CARS1: variants seen among roughly 807,000 people sequenced by gnomAD.
CARS1 encodes cysteine--tRNA ligase, cytoplasmic.
CARS1 carries 48 observed loss-of-function variants against 106.2 expected under a neutral mutation model. The ratio of observed to expected loss-of-function variants is 0.45; its 90% CI spans 0.36 to 0.57. The LOEUF (loss-of-function observed/expected upper bound fraction) is 0.57, where lower values mean the gene tolerates loss of function less well. Ranked by LOEUF, CARS1 falls within the 20% of genes least tolerant of loss-of-function variation. CARS1 has a pLI of 0.00. For synonymous variants in CARS1, 409 were observed against 403.4 expected, an observed-to-expected ratio of 1.01 and a Z score of -0.17; for missense variants, 968 against 1,057.2, an observed-to-expected ratio of 0.92 and a Z score of 1.17.
At chr11:3,006,839 C>G in intron 19 of CARS1, 40 bp downstream of exon 19, 1 of 1,524,190 alleles carries the variant, frequency 6.6e-7, no homozygotes, top group Non-Finnish European at 9.1e-7. Flanking sequence ...CCTCTCCAAG[C>G]TCCTGGTAAC....
intron 10 of CARS1, among the ~76,000 whole-genome samples, chr11:3,024,553 T>A (rs1345317959): frequency 6.6e-6 from 1 of 152,168 alleles, no homozygotes; most frequent in Non-Finnish European, 1.5e-5. Context: ...GCTGAAGTGA[T>A]CCTCCTGCAT....
intron 20 of CARS1, among the ~76,000 whole-genome samples, chr11:3,005,132 C>G (rs939188550): frequency 1.5e-5 from 2 of 135,844 alleles, no homozygotes; most frequent in African/African-American, 2.8e-5. Context: ...AAAAAAAAGT[C>G]AGCTTCACAG....
Position 3,029,144 on chromosome 11 carries a change from A to G in CARS1, c.943-60T>C, listed in dbSNP as rs1381560876. 1 of 1,451,092 alleles carries G rather than the reference A, an allele frequency of 6.9e-7. No individual in the cohort carries two copies. Among genetic ancestry groups the G allele is most frequent in the Non-Finnish European group, 9.7e-7 (1 of 1,033,338 alleles). The allele number at this position is 1,451,092 out of a possible 1,614,324, so 89.9% of individuals were successfully genotyped here. A position where few individuals can be genotyped will look rare whatever the true frequency, so the allele number is the denominator to read the frequency against. On this transcript the variant is annotated intron_variant, in intron 8 of 22. Coordinates refer to ENST00000380525, the MANE Select transcript of CARS1 (RefSeq NM_001014437.3). The surrounding 1 kb of genome is among the most constrained non-coding windows in gnomAD (Gnocchi z 5.9). Reference sequence around the variant, plus strand: ...CTTCTGAAAACCACGCGCTCCATAAAAACGTTCCCAATTCATAAAACGAAA... The same window carrying G: ...CTTCTGAAAACCACGCGCTCCATAAGAACGTTCCCAATTCATAAAACGAAA...
chr11:3,042,314 G>A (rs372766447), intron 2 of CARS1, 58 bp from the exon 3 acceptor site: 68 of 1,294,622 alleles, frequency 5.3e-5, no homozygotes, highest in African/African-American at 8.8e-5. Context: ...AGTGCAAGTC[G>A]CCTCTTCACC....
rs868190682 is a variant in CARS1, at chr11:3,012,882, C to T, written c.1987-606G>A. 2.8e-3 allele frequency among the ~76,000 whole-genome samples: 414 copies of T among 146,358 alleles called. 3 individuals carry two copies. Among genetic ancestry groups the T allele is most frequent in the African/African-American group, 0.011 (408 of 38,112 alleles). On this transcript the variant is annotated intron_variant, in intron 17 of 22. Coordinates refer to ENST00000380525, the MANE Select transcript of CARS1 (RefSeq NM_001014437.3). Reference sequence around the variant, plus strand: ...ATAGAAAAACCTTTCTACTATATTTCCCTTTTTTTTTTTTTTTTTTTTTTT... The same window carrying T: ...ATAGAAAAACCTTTCTACTATATTTTCCTTTTTTTTTTTTTTTTTTTTTTT...
chr11:3,032,838 T>C (rs1457930016), intron 7 of CARS1, among the ~76,000 whole-genome samples: 3 of 150,664 alleles, frequency 2.0e-5, no homozygotes, highest in Non-Finnish European at 3.0e-5. Context: ...TACGAGATAG[T>C]ATTTGTCCAA....
chr11:3,016,841 T>C (rs1324178106), intron 16 of CARS1, among the ~76,000 whole-genome samples: 1 of 152,202 alleles, frequency 6.6e-6, no homozygotes, highest in Non-Finnish European at 1.5e-5. Context: ...TTTGAACTCC[T>C]GGGCTCAGGT....
In CARS1 at chr11:3,007,321, G is replaced by A. The variant is rs1849981567; in HGVS notation, c.2069-362C>T. The A allele has an allele frequency of 8.9e-5, 27 of 301,728 alleles. No individual in the cohort carries two copies. In the South Asian group the frequency reaches 1.5e-3, roughly 17 times the overall value. 18.7% of individuals were successfully genotyped at this position (301,728 alleles called of 1,614,324 possible). ...AGCAGGGGTGGGAGGGTCAGGACAG[G>A]CCTGGGGGTCCCTTCGGGTGCTAAC... is the stretch of plus-strand genomic sequence containing the variant. On this transcript the variant is annotated intron_variant, in intron 18 of 22. Transcript: ENST00000380525.
chr11:3,014,370 T>G (rs970992965), intron 17 of CARS1, among the ~76,000 whole-genome samples: 15 of 152,238 alleles, frequency 9.9e-5, no homozygotes, highest in African/African-American at 3.4e-4. Context: ...ATGGCCATGA[T>G]GTGTGGGCAC....
rs1190556498 is a variant in CARS1 at position 3,046,685 on chromosome 11, AAGG to A, written c.274+1065_274+1067del. Among the ~76,000 whole-genome samples the A allele has an allele frequency of 6.6e-6, 1 of 152,166 alleles. No individual in the cohort carries two copies. Among genetic ancestry groups the A allele is most frequent in the East Asian group, 1.9e-4 (1 of 5,186 alleles). On this transcript the variant is annotated intron_variant, in intron 2 of 22. Transcript: ENST00000380525. This position sits in a 1 kb window ranked among gnomAD's most constrained non-coding sequence, Gnocchi z 5.8. Reference sequence around the variant, plus strand: ...CAACGGAGTCTGGAGAAGCCCCCAGAAGGCTGCCAGCTACAGCCAGGACCACCA... The same window carrying A: ...CAACGGAGTCTGGAGAAGCCCCCAGACTGCCAGCTACAGCCAGGACCACCA...
At chr11:3,036,109 T>C (rs904245028) in intron 7 of CARS1, among the ~76,000 whole-genome samples, 2 of 152,232 alleles carry the variant, frequency 1.3e-5, no homozygotes, top group Non-Finnish European at 2.9e-5. Flanking sequence ...TGCATTTTTT[T>C]CCTGGTGGGG....
At chr11:3,033,296 A>T (rs1853114677) in intron 7 of CARS1, among the ~76,000 whole-genome samples, 1 of 152,224 alleles carries the variant, frequency 6.6e-6, no homozygotes, top group African/African-American at 2.4e-5. Flanking sequence ...ACAAGAGAAC[A>T]TTCAGAAACC....
chr11:3,051,076 C>T (rs1304633364), intron 1 of CARS1, among the ~76,000 whole-genome samples: 1 of 152,250 alleles, frequency 6.6e-6, no homozygotes, highest in Non-Finnish European at 1.5e-5. Context: ...TCCCCTGTGG[C>T]ACTGGGCCTC....
At position 3,005,556 on chromosome 11, in the gene CARS1, C is replaced by T. The variant is rs1004002290; in HGVS notation, c.2150-123G>A. 1.1e-5 allele frequency: 7 copies of T among 659,088 alleles called. No individual in the cohort carries two copies. The African/African-American group carries it at 1.1e-4, about 11-fold the overall frequency. 40.8% of individuals were successfully genotyped at this position (659,088 alleles called of 1,614,324 possible). ...GTGCTGCCCAGTCAGAGCGAGGGCC[C>T]ACAGGAGAAAAACAAACAAAAACCT... On this transcript the variant is annotated intron_variant, in intron 19 of 22. Transcript: ENST00000380525.
chr11:3,015,715 G>A, intron 17 of CARS1, 66 bp downstream of exon 17: 1 of 1,394,294 alleles, frequency 7.2e-7, no homozygotes, highest in South Asian at 1.2e-5. Flanking sequence ...CAGTTCAGAG[G>A]GACACAGAGG....
chr11:3,040,406 C>A lies in CARS1; in HGVS notation c.456-475G>T. 2.5e-6 allele frequency: 1 copy of A among 401,362 alleles called. No individual in the cohort carries two copies. Among genetic ancestry groups the A allele is most frequent in the South Asian group, 1.8e-5 (1 of 54,754 alleles). The allele number at this position is 401,362 out of a possible 1,614,324, so 24.9% of individuals were successfully genotyped here. ...TTGACTATACATGACCTTGGCACTG[C>A]AACTAAAACATGAACACATAAAAGG... On this transcript the variant is annotated intron_variant, in intron 4 of 22. Transcript: ENST00000380525. The surrounding 1 kb of genome is among the most constrained non-coding windows in gnomAD (Gnocchi z 5.8).
chr11:3,044,936 C>T lies in CARS1; in HGVS notation c.275-2680G>A, dbSNP rs1192680959. Among the ~76,000 whole-genome samples, 1 of 152,108 alleles carries T rather than the reference C, an allele frequency of 6.6e-6. No homozygotes were observed. The highest frequency in any genetic ancestry group is 1.5e-5 in the Non-Finnish European group (1 of 68,026). ...AGCAAGGGGTTCATGGAGAGAAATC[C>T]TTCATCAGGAAGTTAAGGGTCCTCC... On this transcript the variant is annotated intron_variant, in intron 2 of 22. Coordinates refer to ENST00000380525, the MANE Select transcript of CARS1 (RefSeq NM_001014437.3). The surrounding 1 kb of genome is among the most constrained non-coding windows in gnomAD (Gnocchi z 4.4).
Position 3,012,064 on chromosome 11 carries a change from T to C in CARS1, c.2068+131A>G, listed in dbSNP as rs181326297. On this transcript the variant is annotated intron_variant, in intron 18 of 22. Transcript: ENST00000380525. Reference sequence around the variant, plus strand: ...AGGCCCGGGATGCCGTTCAACACCCTGTGGTGCACGGGGCAGCCTTCCCAG... The same window carrying C: ...AGGCCCGGGATGCCGTTCAACACCCCGTGGTGCACGGGGCAGCCTTCCCAG... 537 of 794,724 alleles carry C rather than the reference T, an allele frequency of 6.8e-4. 2 individuals carry two copies. In the African/African-American group the frequency reaches 6.8e-3, roughly 10 times the overall value. 49.2% of individuals were successfully genotyped at this position (794,724 alleles called of 1,614,324 possible). A position where few individuals can be genotyped will look rare whatever the true frequency, so the allele number is the denominator to read the frequency against.
chr11:3,029,716 G>A lies in CARS1; in HGVS notation c.802-273C>T, dbSNP rs544976934. On this transcript the variant is annotated intron_variant, in intron 7 of 22. Coordinates refer to ENST00000380525, the MANE Select transcript of CARS1 (RefSeq NM_001014437.3). This position sits in a 1 kb window ranked among gnomAD's most constrained non-coding sequence, Gnocchi z 5.9. ...AGAGGCAAAAAGAGGTGGGAGGGCCGAGGTGGGCCTGGTGAGCATGTGCAG... is the reference window on the plus strand; with the variant it reads ...AGAGGCAAAAAGAGGTGGGAGGGCCAAGGTGGGCCTGGTGAGCATGTGCAG... 2.9e-5 allele frequency: 14 copies of A among 482,934 alleles called. No individual in the cohort carries two copies. Among genetic ancestry groups the A allele is most frequent in the African/African-American group, 1.3e-4 (7 of 51,916 alleles). The allele number at this position is 482,934 out of a possible 1,614,324, so 29.9% of individuals were successfully genotyped here.
Sources: gnomAD v4.1 joint callset for allele counts (sites outside exome capture counted in the v4.1 genomes callset) on GRCh38, gnomAD v4.1.1 for gene constraint, Gnocchi (gnomAD v3.1) non-coding constraint, MANE v1.5 for transcripts, NCBI Gene and HGNC (gene_info 2026-07-23, HGNC 2026-07-21) for gene names.